LAS1L: variants seen among roughly 807,000 people sequenced by gnomAD.
LAS1L encodes LAS1 like ribosome biogenesis factor, also known as ribosomal biogenesis protein LAS1L.
In LAS1L, 5 loss-of-function variants were observed where a neutral mutation model predicts 57.3. That is an observed-to-expected ratio of 0.09 (90% CI 0.05 to 0.18). The LOEUF (loss-of-function observed/expected upper bound fraction) is 0.18, where lower values mean the gene tolerates loss of function less well. Among genes scored for constraint, LAS1L ranks in the 10% least tolerant of loss-of-function variants. LAS1L has a pLI of 1.00. For synonymous variants in LAS1L, 245 were observed against 231.7 expected, an observed-to-expected ratio of 1.06 and a Z score of -0.52; for missense variants, 360 against 568.3, an observed-to-expected ratio of 0.63 and a Z score of 3.73.
intron 11 of LAS1L, chrX:65,522,775 G>C (rs2068919894): frequency 8.9e-6 from 1 of 112,435 alleles, no homozygotes; most frequent in Admixed American, 9.5e-5. Flanking sequence ...TGAGCTTTCA[G>C]AGGTGGAATA....
intron 4 of LAS1L, among the ~76,000 whole-genome samples, chrX:65,530,958 G>A (rs113948556): frequency 9.0e-6 from 1 of 111,440 alleles, no homozygotes; most frequent in African/African-American, 3.3e-5. Context: ...ACTCCAGCCT[G>A]GGCAACAGGG....
At chrX:65,523,197 T>C in intron 11 of LAS1L, 1 of 143,897 alleles carries the variant, frequency 6.9e-6, no homozygotes, top group Non-Finnish European at 1.4e-5. Context: ...GAGGTATACT[T>C]TGGAAAGATA....
intron 11 of LAS1L, 180 bp downstream of exon 11, chrX:65,523,380 T>C (rs2068958183): frequency 7.2e-6 from 3 of 418,605 alleles, no homozygotes; most frequent in Admixed American, 9.8e-5. Context: ...AGCTGTATGA[T>C]CTTAGGTAAG....
chrX:65,522,897 G>T (rs946111048), intron 11 of LAS1L: 1 of 112,339 alleles, frequency 8.9e-6, no homozygotes, highest in African/African-American at 3.2e-5. Flanking sequence ...TATTGCTCAA[G>T]AAAGCAAGAA....
Position 65,534,598 on chromosome X carries a change from C to T in LAS1L, c.118G>A (p.Gly40Ser), listed in dbSNP as rs772131076. 1.2e-5 allele frequency: 15 copies of T among 1,202,721 alleles called. No individual in the cohort carries two copies. The highest frequency in any genetic ancestry group is 3.6e-5 in the South Asian group (2 of 55,593). The change falls in exon 1 of 14, where the codon GGC becomes AGC. Residue 40 changes from glycine (G) to serine (S), a missense_variant. Physicochemically the swap from Gly to Ser is moderately conservative, Grantham distance 56. Transcript: ENST00000374811. ...CTGCTGAGCCAGGCGACCACGATGCCGTGGGCCGAGAGTGGCAACGACCCT... is the reference window on the plus strand; with the variant it reads ...CTGCTGAGCCAGGCGACCACGATGCTGTGGGCCGAGAGTGGCAACGACCCT... ...GKGSLPLSAHGIVVAWLSRAE... is the reference protein window; with the variant it reads ...GKGSLPLSAHSIVVAWLSRAE...
At chrX:65,528,909 G>C (rs2069320078) in intron 6 of LAS1L, among the ~76,000 whole-genome samples, 1 of 111,912 alleles carries the variant, frequency 8.9e-6, no homozygotes, top group African/African-American at 3.2e-5. Context: ...CCCATCTACT[G>C]GTCAGCTGCG....
intron 5 of LAS1L, 85 bp from the exon 6 acceptor site, chrX:65,529,343 C>A: frequency 2.3e-6 from 2 of 857,185 alleles, no homozygotes; most frequent in Non-Finnish European, 3.3e-6. Flanking sequence ...CACCTCATTT[C>A]TTGAGTTGTA....
At chrX:65,532,520 C>G (rs771736452) in intron 3 of LAS1L, 41 bp downstream of exon 3, 2 of 1,076,871 alleles carry the variant, frequency 1.9e-6, no homozygotes, top group Admixed American at 4.4e-5. Flanking sequence ...GGTGAGCCCT[C>G]TTGGAGACAG....
At chrX:65,519,583 GC>G (rs756233683) in intron 11 of LAS1L, among the ~76,000 whole-genome samples, 1 of 112,008 alleles carries the variant, frequency 8.9e-6, no homozygotes, top group Non-Finnish European at 1.9e-5. Context: ...ATGACACTGT[GC>G]ACACAAAAGA....
At chrX:65,520,779 C>T in intron 11 of LAS1L, 1 of 754,201 alleles carries the variant, frequency 1.3e-6, no homozygotes, top group Admixed American at 8.6e-5. Flanking sequence ...CTCTGTGGTC[C>T]AGACTTCTCC....
chrX:65,523,493 T>C, intron 11 of LAS1L, 67 bp downstream of exon 11: 1 of 1,058,646 alleles, frequency 9.4e-7, no homozygotes, highest in South Asian at 2.4e-5. Flanking sequence ...TCAGTCATTC[T>C]AGGGCAGTGT....
intron 4 of LAS1L, among the ~76,000 whole-genome samples, chrX:65,530,460 C>T (rs1393188552): frequency 9.0e-6 from 1 of 110,799 alleles, no homozygotes; most frequent in African/African-American, 3.3e-5. Flanking sequence ...GAGCGGGTCA[C>T]TTGAGGTCAG....
At chrX:65,533,786 C>T in intron 1 of LAS1L, 51 bp from the exon 2 acceptor site, 1 of 1,178,678 alleles carries the variant, frequency 8.5e-7, no homozygotes, top group Non-Finnish European at 1.1e-6. Context: ...CACTGGTCCA[C>T]CCTCCACCTC....
chrX:65,524,006 C>T, intron 10 of LAS1L, 50 bp downstream of exon 10: 1 of 1,108,479 alleles, frequency 9.0e-7, no homozygotes, highest in Non-Finnish European at 1.2e-6. Context: ...GTGGCAGAGG[C>T]TCCTGCCTGG....
chrX:65,520,540 C>T, intron 11 of LAS1L: 1 of 753,647 alleles, frequency 1.3e-6, no homozygotes. Flanking sequence ...TACAGAAGAG[C>T]ATGGGACTAA....
intron 12 of LAS1L, among the ~76,000 whole-genome samples, chrX:65,516,152 C>T (rs1478594729): frequency 9.0e-6 from 1 of 111,537 alleles, no homozygotes; most frequent in African/African-American, 3.3e-5. Flanking sequence ...CAACCCTGGA[C>T]CAGCTTTTTA....
chrX:65,517,849 C>G, intron 12 of LAS1L, 138 bp downstream of exon 12: 1 of 1,045,899 alleles, frequency 9.6e-7, no homozygotes, highest in South Asian at 2.5e-5. Context: ...CAGCTGTCAT[C>G]TATGCACCAG....
intron 1 of LAS1L, 27 bp downstream of exon 1, chrX:65,534,453 G>A (rs750571872): frequency 1.8e-6 from 2 of 1,116,027 alleles, no homozygotes; most frequent in Admixed American, 2.5e-5. Context: ...CAGCACGCAG[G>A]CAAAAGGGCC....
intron 7 of LAS1L, among the ~76,000 whole-genome samples, chrX:65,525,724 G>A (rs1016293341): frequency 2.3e-4 from 21 of 90,191 alleles, no homozygotes; most frequent in Non-Finnish European, 6.0e-5. Context: ...TACTGCTCAA[G>A]GTCTTCACCA....
Sources: gnomAD v4.1 joint callset for allele counts (sites outside exome capture counted in the v4.1 genomes callset) on GRCh38, gnomAD v4.1.1 for gene constraint, MANE v1.5 for transcripts, NCBI Gene and HGNC (gene_info 2026-07-23, HGNC 2026-07-21) for gene names.